GPR26: variants seen among roughly 807,000 people sequenced by gnomAD.
The protein encoded by GPR26 is G protein-coupled receptor 26.
GPR26 carries 15 observed loss-of-function variants against 23.1 expected under a neutral mutation model. The ratio of observed to expected loss-of-function variants is 0.65; its 90% confidence interval spans 0.43 to 1.00. GPR26 has a LOEUF of 1.00. Ranked by LOEUF, GPR26 falls within the 50% of genes least tolerant of loss-of-function variation. GPR26 has a pLI of 0.00. For missense variants in GPR26, 359 were observed against 470.5 expected (o/e 0.76, Z 2.19); for synonymous variants, 228 against 222.1 (o/e 1.03, Z -0.24).
chr10:123,676,497 G>A (rs1340141497), intron 2 of GPR26, among the ~76,000 whole-genome samples: 1 of 152,132 alleles, frequency 6.6e-6, no homozygotes, highest in Non-Finnish European at 1.5e-5. Context: ...TGAGGCAGGG[G>A]TACCTTTCCA....
rs774657215 is a variant in GPR26 at position 123,666,554 on chromosome 10, G to A, written c.147G>A (p.Thr49=). ...QAPALFTLNL[T]CGNLLCTVVN... is the part of the protein sequence containing the mutation. ...CGGCGCTCTTCACCCTGAACCTCAC[G>A]TGCGGGAACCTGCTGTGCACCGTGG... The change falls in exon 1 of 3, where the codon ACG becomes ACA. Residue 49 remains threonine (T), a synonymous_variant. Coordinates refer to ENST00000284674, the MANE Select transcript of GPR26 (RefSeq NM_153442.4). 22 of 1,596,622 alleles carry A rather than the reference G, an allele frequency of 1.4e-5. No homozygotes were observed. In the Admixed American group the frequency reaches 2.4e-4, roughly 17 times the overall value.
At chr10:123,677,404 T>C (rs888084584) in intron 2 of GPR26, among the ~76,000 whole-genome samples, 1 of 152,018 alleles carries the variant, frequency 6.6e-6, no homozygotes, top group Non-Finnish European at 1.5e-5. Context: ...GTACAAAATA[T>C]GTCTGGCAGA....
intron 1 of GPR26, among the ~76,000 whole-genome samples, chr10:123,667,627 C>A (rs929969459): frequency 2.1e-5 from 3 of 144,464 alleles, no homozygotes; most frequent in African/African-American, 5.1e-5. Context: ...GGGCTGCGTC[C>A]TTCTCTGTGG....
At chr10:123,671,521 C>A (rs985301025) in intron 1 of GPR26, among the ~76,000 whole-genome samples, 1 of 152,194 alleles carries the variant, frequency 6.6e-6, no homozygotes, top group African/African-American at 2.4e-5. Context: ...GGGACCTCCT[C>A]CCTCCCCCAC....
chr10:123,685,636 C>T (rs992498085), intron 2 of GPR26, among the ~76,000 whole-genome samples: 8 of 152,212 alleles, frequency 5.3e-5, no homozygotes, highest in African/African-American at 1.4e-4. Flanking sequence ...ACAGTGTGGA[C>T]GGGCAAGTGA....
At position 123,694,778 on chromosome 10, in the gene GPR26, G is replaced by A. The variant is rs199672502; in HGVS notation, c.*6618G>A. 4.0e-5 allele frequency among the ~76,000 whole-genome samples: 6 copies of A among 151,670 alleles called. No individual in the cohort carries two copies. The highest frequency in any genetic ancestry group is 1.2e-4 in the African/African-American group (5 of 41,186). On this transcript the variant is annotated 3_prime_UTR_variant, in exon 3 of 3. Coordinates refer to ENST00000284674, the MANE Select transcript of GPR26 (RefSeq NM_153442.4). ...GAAGTTGAACGAAGAAGGAAGGAAG[G>A]AAGAAAGGAGAGAAAGGAGGAAGGA...
At chr10:123,667,558 C>T (rs1845201122) in intron 1 of GPR26, among the ~76,000 whole-genome samples, 2 of 112,624 alleles carry the variant, frequency 1.8e-5, no homozygotes, top group Admixed American at 8.8e-5. Flanking sequence ...CTCTGTCTCA[C>T]GACTGTGTGT....
Position 123,681,168 on chromosome 10 carries a change from CTG to C in GPR26, c.782+6238_782+6239del, listed in dbSNP as rs1374113802. ...CATTCCCATTTTAAAGATGAGGAAA[CTG>C]AGGCTCAGTCAGGTTCCAGCCTTCC... On this transcript the variant is annotated intron_variant, in intron 2 of 2. Coordinates refer to ENST00000284674, the MANE Select transcript of GPR26 (RefSeq NM_153442.4). 1.2e-4 allele frequency among the ~76,000 whole-genome samples: 19 copies of C among 152,264 alleles called. No individual in the cohort carries two copies. The East Asian group carries it at 2.3e-3, about 19-fold the overall frequency.
intron 2 of GPR26, among the ~76,000 whole-genome samples, chr10:123,677,557 G>C (rs1477433182): frequency 6.6e-6 from 1 of 152,234 alleles, no homozygotes; most frequent in Admixed American, 6.5e-5. Context: ...CACCTTTTCT[G>C]TGGAGCATAA....
chr10:123,676,359 G>A (rs1845310652), intron 2 of GPR26, among the ~76,000 whole-genome samples: 1 of 151,960 alleles, frequency 6.6e-6, no homozygotes, highest in Non-Finnish European at 1.5e-5. Flanking sequence ...AAAACTGTCC[G>A]CTAGACCTCA....
intron 2 of GPR26, among the ~76,000 whole-genome samples, chr10:123,682,346 C>A (rs1011942256): frequency 3.9e-5 from 6 of 152,186 alleles, no homozygotes; most frequent in African/African-American, 1.4e-4. Flanking sequence ...ACAGGACATC[C>A]AACTCTACCA....
At chr10:123,668,695 G>A (rs1845216547) in intron 1 of GPR26, among the ~76,000 whole-genome samples, 1 of 152,198 alleles carries the variant, frequency 6.6e-6, no homozygotes, top group South Asian at 2.1e-4. Context: ...TTCCTTAGAG[G>A]GTGCATCCTT....
chr10:123,678,671 G>T (rs938908524), intron 2 of GPR26, among the ~76,000 whole-genome samples: 1 of 152,146 alleles, frequency 6.6e-6, no homozygotes, highest in African/African-American at 2.4e-5. Context: ...TAGTCTTTAG[G>T]GTGGCTGGGC....
At chr10:123,668,483 T>C (rs1378482277) in intron 1 of GPR26, among the ~76,000 whole-genome samples, 1 of 152,202 alleles carries the variant, frequency 6.6e-6, no homozygotes, top group African/African-American at 2.4e-5. Context: ...ATCTCATGTG[T>C]TCACACATAA....
Position 123,674,385 on chromosome 10 carries a change from G to A in GPR26, c.669-433G>A, listed in dbSNP as rs1174173195. Among the ~76,000 whole-genome samples the A allele has an allele frequency of 6.6e-6, 1 of 152,196 alleles. No individual in the cohort carries two copies. Among genetic ancestry groups the A allele is most frequent in the Non-Finnish European group, 1.5e-5 (1 of 68,030 alleles). On this transcript the variant is annotated intron_variant, in intron 1 of 2. Transcript: ENST00000284674. This position sits in a 1 kb window ranked among gnomAD's most constrained non-coding sequence, Gnocchi z 4.1. ...ACTACTTAGAGAGTGGGGCACTCTG[G>A]AGCCAGCCCATAGCAGATGATCAGT...
Position 123,679,424 on chromosome 10 carries a change from G to A in GPR26, c.782+4493G>A, listed in dbSNP as rs778907673. Among the ~76,000 whole-genome samples, 3 of 152,168 alleles carry A rather than the reference G, an allele frequency of 2.0e-5. No individual in the cohort carries two copies. In the East Asian group the frequency reaches 5.8e-4, roughly 29 times the overall value. On this transcript the variant is annotated intron_variant, in intron 2 of 2. Transcript: ENST00000284674. ...ACCAACTTGGCTTTACGTTAGAATC[G>A]CCTGGAGAGCTTTACATCCAAATCC...
At chr10:123,681,952 G>C (rs931419426) in intron 2 of GPR26, among the ~76,000 whole-genome samples, 5 of 152,214 alleles carry the variant, frequency 3.3e-5, no homozygotes, top group African/African-American at 1.2e-4. Flanking sequence ...GAGATGAGTT[G>C]CTCAAAGACA....
chr10:123,683,672 C>T (rs1345652379), intron 2 of GPR26, among the ~76,000 whole-genome samples: 3 of 152,150 alleles, frequency 2.0e-5, no homozygotes, highest in East Asian at 3.9e-4. Flanking sequence ...CCCTGGACTG[C>T]GGCAGCCAGC....
At chr10:123,675,976 C>G (rs1316719972) in intron 2 of GPR26, among the ~76,000 whole-genome samples, 2 of 152,122 alleles carry the variant, frequency 1.3e-5, no homozygotes, top group Admixed American at 1.3e-4. Flanking sequence ...TCTTGCACAC[C>G]CCAGTGAGGA....
Sources: gnomAD v4.1 joint callset for allele counts (sites outside exome capture counted in the v4.1 genomes callset) on GRCh38, gnomAD v4.1.1 for gene constraint, Gnocchi (gnomAD v3.1) non-coding constraint, MANE v1.5 for transcripts, NCBI Gene and HGNC (gene_info 2026-07-23, HGNC 2026-07-21) for gene names.